The following PHEX variants were observed in gnomAD, a reference collection of about 807,000 sequenced individuals.
PHEX encodes phosphate-regulating neutral endopeptidase PHEX.
Under a neutral mutation model 68.0 loss-of-function variants are expected in PHEX, and 16 were observed. The ratio of observed to expected loss-of-function variants is 0.24; its 90% CI spans 0.16 to 0.36. The LOEUF (loss-of-function observed/expected upper bound fraction) is 0.36. PHEX is among the 10% of genes least tolerant of loss of function. The probability of loss-of-function intolerance (pLI) is 1.00; values close to 1 mark genes in which losing one functional copy is unlikely to be tolerated. For synonymous variants in PHEX, 208 were observed against 205.1 expected (o/e 1.01, Z -0.12); for missense variants, 480 against 575.5 (o/e 0.83, Z 1.70).
chrX:22,089,806 T>C (rs982845827), intron 5 of PHEX, among the ~76,000 whole-genome samples: 3 of 112,535 alleles, frequency 2.7e-5, no homozygotes, highest in African/African-American at 9.7e-5. Context: ...GGTTATTATT[T>C]GTGTTTTTAT....
intron 11 of PHEX, among the ~76,000 whole-genome samples, chrX:22,118,369 T>C (rs5951503): frequency 0.35 from 27,986 of 79,698 alleles, 5,078 homozygotes; most frequent in African/African-American, 0.62. Flanking sequence ...AAAAAAAGCC[T>C]CGGTGACTCA....
intron 7 of PHEX, among the ~76,000 whole-genome samples, chrX:22,096,673 C>G (rs186052140): frequency 3.2e-4 from 36 of 112,014 alleles, no homozygotes; most frequent in Non-Finnish European, 6.0e-4. Context: ...CAAAATTGAG[C>G]CAGCAATAGA....
rs149223872 is a variant in PHEX at position 22,151,843 on chromosome X, G to C, written c.1405-16469G>C. 4.7e-3 allele frequency among the ~76,000 whole-genome samples: 527 copies of C among 111,149 alleles called. 4 individuals are homozygous for C. The highest frequency in any genetic ancestry group is 0.017 in the African/African-American group (515 of 30,527). On this transcript the variant is annotated intron_variant, in intron 12 of 21. Transcript: ENST00000379374. ...TCCGGGGGCTCTCAGTCAAAGTTTA[G>C]TCCCACCGATGTCCAGAACAGAAAG...
At chrX:22,065,767 CA>C (rs1395610899) in intron 3 of PHEX, among the ~76,000 whole-genome samples, 1 of 111,912 alleles carries the variant, frequency 8.9e-6, no homozygotes, top group Non-Finnish European at 1.9e-5. Flanking sequence ...TTCAGAGAAT[CA>C]TTTGTTTTCT....
chrX:22,146,280 G>A (rs1569410758), intron 12 of PHEX, among the ~76,000 whole-genome samples: 1 of 111,993 alleles, frequency 8.9e-6, no homozygotes, highest in Non-Finnish European at 1.9e-5. Flanking sequence ...TTATTAATGA[G>A]CAAATTTGCA....
chrX:22,149,738 G>A (rs1018117463), intron 12 of PHEX, among the ~76,000 whole-genome samples: 1 of 112,872 alleles, frequency 8.9e-6, no homozygotes, highest in Non-Finnish European at 1.9e-5. Context: ...TGGGCGACAA[G>A]AGCGAGACTC....
At chrX:22,118,149 C>T (rs1320004357) in intron 11 of PHEX, among the ~76,000 whole-genome samples, 2 of 108,316 alleles carry the variant, frequency 1.8e-5, no homozygotes, top group African/African-American at 6.7e-5. Context: ...ACATAAATCA[C>T]GTGAGCATCT....
intron 20 of PHEX, among the ~76,000 whole-genome samples, chrX:22,233,073 A>G (rs1935824356): frequency 1.8e-5 from 2 of 111,503 alleles, no homozygotes; most frequent in Admixed American, 1.9e-4. Context: ...GTTTGGCTGG[A>G]TATGAAATTG....
chrX:22,228,759 G>T (rs1326792609), intron 20 of PHEX, among the ~76,000 whole-genome samples: 3 of 110,772 alleles, frequency 2.7e-5, no homozygotes, highest in African/African-American at 9.9e-5. Flanking sequence ...TTAAGTTCTG[G>T]GGTACACGTG....
intron 12 of PHEX, among the ~76,000 whole-genome samples, chrX:22,166,461 T>G (rs1251112118): frequency 1.8e-5 from 2 of 111,204 alleles, no homozygotes; most frequent in Non-Finnish European, 3.8e-5. Flanking sequence ...ATATCGTGTG[T>G]GTTTGCTATC....
chrX:22,247,518 T>C (rs1300896111), intron 21 of PHEX, among the ~76,000 whole-genome samples: 2 of 112,358 alleles, frequency 1.8e-5, no homozygotes, highest in Non-Finnish European at 3.7e-5. Flanking sequence ...AAGTCCTACG[T>C]TTAATATTTT....
At chrX:22,191,782 AT>A (rs761270034) in intron 15 of PHEX, among the ~76,000 whole-genome samples, 6 of 112,330 alleles carry the variant, frequency 5.3e-5, no homozygotes, top group African/African-American at 1.9e-4. Context: ...ATTATTTATA[AT>A]AGTAGAAAAA....
In PHEX at chrX:22,164,828, T is replaced by C. The variant is rs2269470; in HGVS notation, c.1405-3484T>C. Among the ~76,000 whole-genome samples, 1,706 of 112,480 alleles carry C rather than the reference T, an allele frequency of 0.015. 82 individuals carry two copies. In the East Asian group the frequency reaches 0.24, roughly 16 times the overall value. ...ATCTCAGAATGAGGTAACCTATAGATGTATGACATAGTTTGGTGTTGGGGG... is the reference window on the plus strand; with the variant it reads ...ATCTCAGAATGAGGTAACCTATAGACGTATGACATAGTTTGGTGTTGGGGG... On this transcript the variant is annotated intron_variant, in intron 12 of 21. Coordinates refer to ENST00000379374, the MANE Select transcript of PHEX (RefSeq NM_000444.6).
In PHEX at chrX:22,032,375, A is replaced by G. The variant is rs934743553; in HGVS notation, c.-631A>G. 7 of 114,319 alleles carry G rather than the reference A, an allele frequency of 6.1e-5. No individual in the cohort carries two copies. The highest frequency in any genetic ancestry group is 2.0e-4 in the African/African-American group (6 of 30,536). The allele number at this position is 114,319 out of a possible 1,213,427, so 9.4% of individuals were successfully genotyped here. The stretch of plus-strand genomic sequence containing the variant: ...CTATGACTGATTTTTGGCACATGCT[A>G]TCATACACAAAGTTCCTGAAATAAA... On this transcript the variant is annotated 5_prime_UTR_variant, in exon 1 of 22. Transcript: ENST00000379374.
chrX:22,218,002 T>C, intron 16 of PHEX, among the ~76,000 whole-genome samples: 1 of 109,190 alleles, frequency 9.2e-6, no homozygotes, highest in East Asian at 2.9e-4. Flanking sequence ...CTGGCCGGGG[T>C]CGCTCAACTA....
At chrX:22,100,281 A>C (rs1327967028) in intron 9 of PHEX, among the ~76,000 whole-genome samples, 1 of 111,699 alleles carries the variant, frequency 9.0e-6, no homozygotes, top group Non-Finnish European at 1.9e-5. Context: ...GATCCAGTAG[A>C]GCTGGAGGGG....
chrX:22,038,972 G>A (rs910966298), intron 2 of PHEX, among the ~76,000 whole-genome samples: 2 of 111,816 alleles, frequency 1.8e-5, no homozygotes, highest in African/African-American at 6.5e-5. Flanking sequence ...GTCAGTGGGA[G>A]TCCCTTTTCT....
chrX:22,159,720 T>G (rs1387667130), intron 12 of PHEX, among the ~76,000 whole-genome samples: 1 of 112,308 alleles, frequency 8.9e-6, no homozygotes, highest in African/African-American at 3.2e-5. Flanking sequence ...AGAGGCCATA[T>G]GGATTGCAAA....
At chrX:22,161,505 C>T (rs926659249) in intron 12 of PHEX, among the ~76,000 whole-genome samples, 5 of 112,612 alleles carry the variant, frequency 4.4e-5, no homozygotes, top group Non-Finnish European at 9.4e-5. Context: ...TGTTAATCCT[C>T]TTATATTTAA....
Sources: allele counts gnomAD v4.1 joint callset (sites outside exome capture counted in the v4.1 genomes callset), GRCh38; gene constraint gnomAD v4.1.1; transcripts MANE v1.5; gene names NCBI Gene and HGNC (gene_info 2026-07-23, HGNC 2026-07-21).